Variants in DDX10 observed in about 807,000 individuals in gnomAD.
The protein encoded by DDX10 is probable ATP-dependent RNA helicase DDX10.
DDX10 carries 74 observed loss-of-function variants against 104.3 expected under a neutral mutation model. The observed-to-expected ratio is 0.71, with a 90% CI of 0.59 to 0.86. The LOEUF (loss-of-function observed/expected upper bound fraction) is 0.86. DDX10 is among the 40% of genes least tolerant of loss of function. The pLI is 0.00. For missense variants in DDX10, 952 were observed against 1,040.0 expected, an observed-to-expected ratio of 0.92 and a Z score of 1.16; for synonymous variants, 351 against 353.4, an observed-to-expected ratio of 0.99 and a Z score of 0.08.
intron 12 of DDX10, among the ~76,000 whole-genome samples, chr11:108,722,184 G>A (rs1047091325): frequency 1.3e-5 from 2 of 152,138 alleles, no homozygotes; most frequent in African/African-American, 4.8e-5. Flanking sequence ...CTGAATCCAT[G>A]CTTCTCAGCA....
intron 14 of DDX10, among the ~76,000 whole-genome samples, chr11:108,840,162 C>T (rs1481659544): frequency 4.6e-5 from 7 of 152,164 alleles, no homozygotes; most frequent in African/African-American, 9.7e-5. Flanking sequence ...ACTGATCCCT[C>T]GCATTGCCTC....
chr11:108,864,586 G>T (rs917998788), intron 16 of DDX10, among the ~76,000 whole-genome samples: 2 of 151,860 alleles, frequency 1.3e-5, no homozygotes, highest in African/African-American at 4.8e-5. Flanking sequence ...CGATTCTCCT[G>T]CCTCAGCCTC....
At chr11:108,882,714 A>T (rs1002116818) in intron 16 of DDX10, among the ~76,000 whole-genome samples, 21 of 152,162 alleles carry the variant, frequency 1.4e-4, no homozygotes, top group African/African-American at 5.1e-4. Flanking sequence ...GTCTGTGTTA[A>T]CTTTTGTTTC....
intron 17 of DDX10, among the ~76,000 whole-genome samples, chr11:108,936,460 T>C (rs748614247): frequency 5.3e-5 from 8 of 152,146 alleles, no homozygotes; most frequent in Non-Finnish European, 1.0e-4. Context: ...TTTTTCTTTA[T>C]TGCAAAGAGT....
At chr11:108,730,400 CAT>C (rs1313069811) in intron 13 of DDX10, among the ~76,000 whole-genome samples, 2 of 152,152 alleles carry the variant, frequency 1.3e-5, no homozygotes, top group Non-Finnish European at 2.9e-5. Flanking sequence ...CCTGGGAAAA[CAT>C]AATCCAGGGC....
chr11:108,890,274 A>G (rs905758122), intron 16 of DDX10, among the ~76,000 whole-genome samples: 5 of 152,216 alleles, frequency 3.3e-5, no homozygotes, highest in African/African-American at 1.2e-4. Flanking sequence ...ATAATAGCCT[A>G]TAAGTAGGCT....
chr11:108,901,762 GGCACAAATATTTC>G (rs1424636664), intron 16 of DDX10, among the ~76,000 whole-genome samples: 8 of 152,070 alleles, frequency 5.3e-5, no homozygotes, highest in Non-Finnish European at 1.0e-4. Flanking sequence ...ATATCTGAAA[GGCACAAATATTTC>G]ATTAGGAATA....
chr11:108,753,917 C>A lies in DDX10; in HGVS notation c.1965+30455C>A, dbSNP rs1325865951. ...CCTTAGGAATGTGAAGTGCTGAATACAGGGTCGGGTGTGTATATATAAAGT... is the reference window on the plus strand; with the variant it reads ...CCTTAGGAATGTGAAGTGCTGAATAAAGGGTCGGGTGTGTATATATAAAGT... On this transcript the variant is annotated intron_variant, in intron 13 of 17. Transcript: ENST00000322536. Among the ~76,000 whole-genome samples the A allele has an allele frequency of 2.0e-5, 3 of 151,936 alleles. No homozygotes were observed. The South Asian group carries it at 6.2e-4, about 31-fold the overall frequency.
chr11:108,939,935 C>T (rs1864084939), intron 17 of DDX10, among the ~76,000 whole-genome samples: 1 of 152,168 alleles, frequency 6.6e-6, no homozygotes, highest in African/African-American at 2.4e-5. Context: ...CAAGCACACA[C>T]TGGAGCGAGA....
rs575548840 is a variant in DDX10 at position 108,872,821 on chromosome 11, C to T, written c.2304+20612C>T. Among the ~76,000 whole-genome samples, 16 of 110,020 alleles carry T rather than the reference C, an allele frequency of 1.5e-4. No individual in the cohort carries two copies. The South Asian group carries it at 4.1e-3, about 28-fold the overall frequency. The allele number at this position is 110,020 out of a possible 152,430, so 72.2% of individuals were successfully genotyped here. ...AAAAATATGGATGCTAATTTCCGTT[C>T]CCCCCCCCTCCCATTTCCCTTTCTC... On this transcript the variant is annotated intron_variant, in intron 16 of 17. Transcript: ENST00000322536.
chr11:108,706,972 T>C (rs1238178597), intron 10 of DDX10, 135 bp downstream of exon 10: 2 of 684,758 alleles, frequency 2.9e-6, no homozygotes, highest in African/African-American at 3.6e-5. Flanking sequence ...AAAGGCTCTT[T>C]TTAGAACAGT....
Position 108,712,599 on chromosome 11 carries a change from A to G in DDX10, c.1323-3280A>G, listed in dbSNP as rs780817333. Among the ~76,000 whole-genome samples the G allele has an allele frequency of 2.9e-4, 44 of 152,240 alleles. 1 individual carries two copies. The Middle Eastern group carries it at 0.024, about 82-fold the overall frequency. ...TTCTGATTTCTCCCTCGTGTCCCTT[A>G]TATCATTGATGTCATTCATTTCACT... On this transcript the variant is annotated intron_variant, in intron 10 of 17. Transcript: ENST00000322536.
chr11:108,803,686 A>G (rs1292863017), intron 13 of DDX10, among the ~76,000 whole-genome samples: 1 of 151,804 alleles, frequency 6.6e-6, no homozygotes, highest in Non-Finnish European at 1.5e-5. Context: ...TAATTAATCT[A>G]TTGAATTCAT....
chr11:108,770,700 ATTC>A (rs1426322465), intron 13 of DDX10, among the ~76,000 whole-genome samples: 2 of 151,580 alleles, frequency 1.3e-5, no homozygotes, highest in Non-Finnish European at 2.9e-5. Flanking sequence ...ACTGGATCTC[ATTC>A]TTTTTTATGG....
rs568904212 is a variant in DDX10 at position 108,731,485 on chromosome 11, T to C, written c.1965+8023T>C. ...GTTTTTAAGCAATTGGTTTTGAATG[T>C]GACCCTGCAACCGTGATCTCAATTG... On this transcript the variant is annotated intron_variant, in intron 13 of 17. Transcript: ENST00000322536. Among the ~76,000 whole-genome samples the C allele has an allele frequency of 2.6e-5, 4 of 152,132 alleles. No individual in the cohort carries two copies. In the South Asian group the frequency reaches 8.3e-4, roughly 32 times the overall value.
At chr11:108,851,978 A>G (rs1276376954) in intron 15 of DDX10, among the ~76,000 whole-genome samples, 175 bp from the exon 16 acceptor site, 1 of 152,250 alleles carries the variant, frequency 6.6e-6, no homozygotes, top group Non-Finnish European at 1.5e-5. Flanking sequence ...TGTCTGACAC[A>G]TTCTTAATGA....
rs1437747253 is a variant in DDX10 at position 108,940,893 on chromosome 11, A to G, written c.*470A>G. The G allele has an allele frequency of 5.1e-6, 1 of 195,316 alleles. No individual in the cohort carries two copies. Among genetic ancestry groups the G allele is most frequent in the Non-Finnish European group, 1.1e-5 (1 of 94,038 alleles). The allele number at this position is 195,316 out of a possible 1,614,324, so 12.1% of individuals were successfully genotyped here. A position where few individuals can be genotyped will look rare whatever the true frequency, so the allele number is the denominator to read the frequency against. Reference sequence around the variant, plus strand: ...AAAGAATGAGTATTTTTGAATTGAGATGATCAATAATAAACATATTTCCTA... The same window carrying G: ...AAAGAATGAGTATTTTTGAATTGAGGTGATCAATAATAAACATATTTCCTA... On this transcript the variant is annotated 3_prime_UTR_variant, in exon 18 of 18. Coordinates refer to ENST00000322536, the MANE Select transcript of DDX10 (RefSeq NM_004398.4).
chr11:108,818,960 T>C (rs1862289923), intron 13 of DDX10, among the ~76,000 whole-genome samples: 1 of 152,230 alleles, frequency 6.6e-6, no homozygotes, highest in Non-Finnish European at 1.5e-5. Flanking sequence ...AATTATTCTA[T>C]TTTCCTAACT....
At chr11:108,706,965 G>GA in intron 10 of DDX10, 128 bp downstream of exon 10, 1 of 739,990 alleles carries the variant, frequency 1.4e-6, no homozygotes, top group Non-Finnish European at 2.3e-6. Flanking sequence ...TTTATAAAAA[G>GA]GCTCTTTTTA....
Sources: gnomAD v4.1 joint callset for allele counts (sites outside exome capture counted in the v4.1 genomes callset) on GRCh38, gnomAD v4.1.1 for gene constraint, MANE v1.5 for transcripts, NCBI Gene and HGNC (gene_info 2026-07-23, HGNC 2026-07-21) for gene names.